SPEN: variants seen among roughly 807,000 people sequenced by gnomAD.
SPEN encodes msx2-interacting protein.
In SPEN, 18 loss-of-function variants were observed where a neutral mutation model predicts 269.9. That is an observed-to-expected ratio of 0.07 (90% confidence interval 0.05 to 0.10). The LOEUF is 0.10. Among genes scored for constraint, SPEN ranks in the 10% least tolerant of loss-of-function variants. The probability of loss-of-function intolerance (pLI) is 1.00; values close to 1 mark genes in which losing one functional copy is unlikely to be tolerated. For missense variants in SPEN, 3,822 were observed against 4,631.2 expected, an observed-to-expected ratio of 0.83 and a Z score of 5.07; for synonymous variants, 1,726 against 1,765.7, an observed-to-expected ratio of 0.98 and a Z score of 0.56.
Position 15,922,311 on chromosome 1 carries a change from A to G in SPEN, c.1812A>G (p.Gln604=). 1.2e-6 allele frequency: 2 copies of G among 1,608,110 alleles called. No individual in the cohort carries two copies. Among genetic ancestry groups the G allele is most frequent in the South Asian group, 1.1e-5 (1 of 88,856 alleles). ...ATCACTGCATGGAGAAATCTGGTCA[A>G]GACATCAGAGACTTTTATGAAATGT... ...AFYHCMEKSG[Q]DIRDFYEMLA... The change falls in exon 10 of 15, where the codon CAA becomes CAG. Residue 604 remains glutamine, a synonymous_variant. Transcript: ENST00000375759.
intron 3 of SPEN, among the ~76,000 whole-genome samples, chr1:15,892,313 T>G (rs1217972546): frequency 6.6e-6 from 1 of 152,188 alleles, no homozygotes; most frequent in African/African-American, 2.4e-5. Flanking sequence ...CGTGAGCCAC[T>G]GCTCCCAGCT....
chr1:15,904,636 AAG>A, intron 3 of SPEN, among the ~76,000 whole-genome samples: 1 of 148,946 alleles, frequency 6.7e-6, no homozygotes, highest in East Asian at 2.0e-4. Flanking sequence ...TTCACCCAAA[AAG>A]AGTGTGATAA....
intron 3 of SPEN, among the ~76,000 whole-genome samples, chr1:15,905,107 C>T (rs772963427): frequency 6.6e-6 from 1 of 152,038 alleles, no homozygotes; most frequent in African/African-American, 2.4e-5. Flanking sequence ...AGGCTGGTCT[C>T]AGACTCCTGA....
chr1:15,919,847 T>C (rs2071099661), intron 8 of SPEN, among the ~76,000 whole-genome samples: 1 of 152,180 alleles, frequency 6.6e-6, no homozygotes. Context: ...TTATTCACAT[T>C]TACACTAAAT....
chr1:15,858,619 A>G (rs575523598), intron 1 of SPEN, among the ~76,000 whole-genome samples: 2 of 152,316 alleles, frequency 1.3e-5, no homozygotes, highest in Admixed American at 6.5e-5. Flanking sequence ...ATGCATGACT[A>G]TATTTGGATG....
chr1:15,925,862 A>G (rs1381733565), intron 10 of SPEN, among the ~76,000 whole-genome samples: 1 of 152,244 alleles, frequency 6.6e-6, no homozygotes, highest in African/African-American at 2.4e-5. Flanking sequence ...ATTAGAAGGT[A>G]TATAATGTGT....
chr1:15,862,150 C>T (rs2070455295), intron 1 of SPEN, among the ~76,000 whole-genome samples: 1 of 152,200 alleles, frequency 6.6e-6, no homozygotes, highest in Non-Finnish European at 1.5e-5. Context: ...AGTCTCTTGG[C>T]TTCTGCTAAC....
At position 15,911,153 on chromosome 1, in the gene SPEN, A is replaced by G. The variant is rs2071008242; in HGVS notation, c.1095A>G (p.Val365=). The part of the protein sequence containing the change: ...LFHEFKKFGK[V]TSVQIHGTSE... ...ATGAATTTAAGAAATTTGGAAAAGTAACTTCAGTGCAGATACATGGAACTT... is the reference window on the plus strand; with the variant it reads ...ATGAATTTAAGAAATTTGGAAAAGTGACTTCAGTGCAGATACATGGAACTT... Residue 365 remains valine (V), a synonymous_variant, in exon 5 of 15, where the codon GTA becomes GTG. Coordinates refer to ENST00000375759, the MANE Select transcript of SPEN (RefSeq NM_015001.3). 1 of 1,614,030 alleles carries G rather than the reference A, an allele frequency of 6.2e-7. No homozygotes were observed. The highest frequency in any genetic ancestry group is 8.5e-7 in the Non-Finnish European group (1 of 1,180,024).
At chr1:15,922,450 T>A (rs1010006906) in intron 10 of SPEN, 101 bp downstream of exon 10, 1 of 719,296 alleles carries the variant, frequency 1.4e-6, no homozygotes. Flanking sequence ...TACCCCTACT[T>A]TCATCTTCTA....
chr1:15,879,030 GAAAA>G (rs2070661359), intron 3 of SPEN, among the ~76,000 whole-genome samples: 1 of 142,222 alleles, frequency 7.0e-6, no homozygotes, highest in Non-Finnish European at 1.5e-5. Flanking sequence ...AAAAAGAAAA[GAAAA>G]GAAAAAAAAG....
chr1:15,938,679 A>AG, intron 13 of SPEN, 39 bp from the exon 14 acceptor site: 1 of 1,584,156 alleles, frequency 6.3e-7, no homozygotes, highest in Non-Finnish European at 8.6e-7. Context: ...CTGTTTGACT[A>AG]GGAGGCCCCT....
At position 15,939,239 on chromosome 1, in the gene SPEN, G is replaced by T; in HGVS notation, c.10864-57G>T. 1 of 1,495,350 alleles carries T rather than the reference G, an allele frequency of 6.7e-7. No individual in the cohort carries two copies. The highest frequency in any genetic ancestry group is 1.4e-5 in the African/African-American group (1 of 70,716). 92.6% of individuals were successfully genotyped at this position (1,495,350 alleles called of 1,614,324 possible). A position where few individuals can be genotyped will look rare whatever the true frequency, so the allele number is the denominator to read the frequency against. On this transcript the variant is annotated intron_variant, in intron 14 of 14. Coordinates refer to ENST00000375759, the MANE Select transcript of SPEN (RefSeq NM_015001.3). This position sits in a 1 kb window ranked among gnomAD's most constrained non-coding sequence, Gnocchi z 4.1. ...GCCTCTTCAGGGCTCCCCAATGGAA[G>T]TGGAGTTGTGGGGGTGAAGACAGAC...
At chr1:15,904,479 T>TAAAAAAAAAAAAAAAAAAAAAAAA (rs1557750239) in intron 3 of SPEN, among the ~76,000 whole-genome samples, 7 of 81,094 alleles carry the variant, frequency 8.6e-5, no homozygotes, top group Admixed American at 1.6e-4. Context: ...AAAAAAAAAG[T>TAAAAAAAAAAAAAAAAAAAAAAAA]GAACTAAAAA....
intron 3 of SPEN, among the ~76,000 whole-genome samples, chr1:15,893,561 G>C (rs147652248): frequency 4.3e-4 from 66 of 152,254 alleles, no homozygotes; most frequent in Admixed American, 5.9e-4. Flanking sequence ...TAGGGAGTTA[G>C]GTGCCTTTCT....
intron 1 of SPEN, among the ~76,000 whole-genome samples, chr1:15,867,266 G>T (rs2148708257): frequency 6.6e-6 from 1 of 152,198 alleles, no homozygotes; most frequent in Admixed American, 6.5e-5. Flanking sequence ...CTTTCATTAT[G>T]CATGTTCTCA....
chr1:15,876,453 T>C lies in SPEN; in HGVS notation c.656T>C (p.Ile219Thr), dbSNP rs1179253876. 8 of 1,613,954 alleles carry C rather than the reference T, an allele frequency of 5.0e-6. No individual in the cohort carries two copies. Among genetic ancestry groups the C allele is most frequent in the Non-Finnish European group, 6.8e-6 (8 of 1,180,020 alleles). ...CTGCCCAGTGTGGTACACAGGGATA[T>C]CTACAGGGATGATATTACCCGGGAG... ...FTLPSVVHRD[I>T]YRDDITREVR... The change falls in exon 3 of 15, where the codon ATC (isoleucine) becomes ACC (threonine). Residue 219 changes from isoleucine (I) to threonine (T), a missense_variant. Ile to Thr is a moderately conservative substitution (Grantham distance 89, BLOSUM62 -1). This residue lies in a region of SPEN where 327 missense variants were observed against 350.8 expected (regional missense o/e 0.93). Coordinates refer to ENST00000375759, the MANE Select transcript of SPEN (RefSeq NM_015001.3).
At chr1:15,898,558 CTTTTTTT>C (rs375319827) in intron 3 of SPEN, among the ~76,000 whole-genome samples, 11 of 131,960 alleles carry the variant, frequency 8.3e-5, no homozygotes, top group South Asian at 4.8e-4. Flanking sequence ...TTCTTTTTTT[CTTTTTTT>C]TTTTTTTTGT....
intron 10 of SPEN, among the ~76,000 whole-genome samples, chr1:15,925,456 C>T (rs1321533913): frequency 6.6e-6 from 1 of 152,078 alleles, no homozygotes; most frequent in Non-Finnish European, 1.5e-5. Context: ...GGCAGAACTG[C>T]TTATTTCTTT....
In SPEN at chr1:15,938,789, C is replaced by T. The variant is rs773036703; in HGVS notation, c.10776C>T (p.Thr3592=). 9.9e-6 allele frequency: 16 copies of T among 1,613,816 alleles called. No individual in the cohort carries two copies. Among genetic ancestry groups the T allele is most frequent in the Admixed American group, 5.0e-5 (3 of 59,990 alleles). Residue 3592 remains threonine, a synonymous_variant, in exon 14 of 15, where the codon ACC becomes ACT. Coordinates refer to ENST00000375759, the MANE Select transcript of SPEN (RefSeq NM_015001.3). The part of the protein sequence containing the change: ...GRDQEDVVSQ[T]ESLKAAFITY... ...ACCAAGAGGATGTTGTGAGCCAGAC[C>T]GAGTCCCTCAAGGCTGCCTTCATCA...
Sources: allele counts gnomAD v4.1 joint callset (sites outside exome capture counted in the v4.1 genomes callset), GRCh38; gene constraint gnomAD v4.1.1; regional missense constraint gnomAD v4.1.1; non-coding constraint Gnocchi (gnomAD v3.1); transcripts MANE v1.5; gene names NCBI Gene and HGNC (gene_info 2026-07-23, HGNC 2026-07-21).